Variants in DPYD observed in about 807,000 individuals in gnomAD.
DPYD encodes dihydropyrimidine dehydrogenase, also known as dihydropyrimidine dehydrogenase [NADP(+)].
DPYD carries 109 observed loss-of-function variants against 116.2 expected under a neutral mutation model. That is an observed-to-expected ratio of 0.94 (90% CI 0.80 to 1.10). The LOEUF (loss-of-function observed/expected upper bound fraction) is 1.10, where lower values mean the gene tolerates loss of function less well. Among genes scored for constraint, DPYD ranks in the 50% least tolerant of loss-of-function variants. The pLI, the probability that DPYD is intolerant of heterozygous loss-of-function variation, is 0.00. For synonymous variants in DPYD, 440 were observed against 432.0 expected, an observed-to-expected ratio of 1.02 and a Z score of -0.23; for missense variants, 1,302 against 1,254.5, an observed-to-expected ratio of 1.04 and a Z score of -0.57.
At chr1:97,811,917 T>G (rs1002405927) in intron 3 of DPYD, among the ~76,000 whole-genome samples, 11 of 152,176 alleles carry the variant, frequency 7.2e-5, no homozygotes, top group African/African-American at 2.7e-4. Context: ...CATACACATT[T>G]GAAGGTATCA....
At chr1:97,260,088 T>C (rs1405484427) in intron 18 of DPYD, among the ~76,000 whole-genome samples, 1 of 152,130 alleles carries the variant, frequency 6.6e-6, no homozygotes, top group East Asian at 1.9e-4. Context: ...CGCTGTAGGT[T>C]ATAAGATTGC....
chr1:97,920,716 G>A (rs1198393374), intron 1 of DPYD, among the ~76,000 whole-genome samples, 168 bp downstream of exon 1: 4 of 152,176 alleles, frequency 2.6e-5, no homozygotes, highest in Admixed American at 6.5e-5. Context: ...GCCCACGCGG[G>A]CCTGTGGCTC....
intron 15 of DPYD, among the ~76,000 whole-genome samples, chr1:97,380,655 G>T (rs1018744319): frequency 6.6e-6 from 1 of 152,180 alleles, no homozygotes; most frequent in African/African-American, 2.4e-5. Flanking sequence ...AGCTAAACTT[G>T]AAACAGTTGG....
chr1:97,406,276 CTT>C (rs201319330), intron 14 of DPYD, among the ~76,000 whole-genome samples: 10,089 of 61,042 alleles, frequency 0.17, 472 homozygotes, highest in East Asian at 0.36. Context: ...GTCTCTTTAG[CTT>C]TTTTTTTTTT....
chr1:97,559,014 T>A (rs1651941154), intron 11 of DPYD, among the ~76,000 whole-genome samples: 1 of 152,176 alleles, frequency 6.6e-6, no homozygotes, highest in African/African-American at 2.4e-5. Context: ...ACCATCTCTT[T>A]AAGACTGCAA....
chr1:97,184,457 T>C (rs1409855108), intron 20 of DPYD, among the ~76,000 whole-genome samples: 5 of 152,136 alleles, frequency 3.3e-5, no homozygotes, highest in African/African-American at 1.2e-4. Context: ...TTAATAACCA[T>C]TCTGATTGGT....
intron 20 of DPYD, among the ~76,000 whole-genome samples, chr1:97,133,801 C>T (rs982766005): frequency 6.6e-6 from 1 of 151,026 alleles, no homozygotes; most frequent in Non-Finnish European, 1.5e-5. Context: ...AGTTCGAGAC[C>T]AGCCTGGCCA....
intron 3 of DPYD, among the ~76,000 whole-genome samples, chr1:97,807,157 A>G (rs998879025): frequency 4.6e-5 from 7 of 152,092 alleles, no homozygotes; most frequent in African/African-American, 1.7e-4. Context: ...ATAAGTTTTC[A>G]ATTACTTTGG....
intron 14 of DPYD, among the ~76,000 whole-genome samples, chr1:97,388,479 A>G (rs1570646121): frequency 6.6e-6 from 1 of 152,242 alleles, no homozygotes; most frequent in African/African-American, 2.4e-5. Context: ...TGGGGGCACA[A>G]GAGAGTGTGA....
intron 22 of DPYD, among the ~76,000 whole-genome samples, chr1:97,080,036 A>C (rs2101551404): frequency 6.6e-6 from 1 of 152,226 alleles, no homozygotes; most frequent in Admixed American, 6.6e-5. Context: ...GAAAAATGAC[A>C]TGTAAGACCT....
intron 5 of DPYD, among the ~76,000 whole-genome samples, chr1:97,702,503 AT>A (rs1383242776): frequency 6.6e-6 from 1 of 151,934 alleles, no homozygotes; most frequent in Non-Finnish European, 1.5e-5. Context: ...TACAAATAAC[AT>A]TGTGTTTTAA....
chr1:97,563,667 C>T (rs1652324097), intron 11 of DPYD, among the ~76,000 whole-genome samples: 1 of 152,146 alleles, frequency 6.6e-6, no homozygotes, highest in Admixed American at 6.5e-5. Context: ...GGAAACAAAC[C>T]TATTCCTATG....
At chr1:97,526,964 GA>G (rs1353027699) in intron 12 of DPYD, among the ~76,000 whole-genome samples, 1 of 152,132 alleles carries the variant, frequency 6.6e-6, no homozygotes, top group Non-Finnish European at 1.5e-5. Context: ...TGAAGATGAG[GA>G]AAGTGAGGCC....
intron 8 of DPYD, among the ~76,000 whole-genome samples, chr1:97,629,494 A>C (rs1443003503): frequency 6.6e-6 from 1 of 152,032 alleles, no homozygotes; most frequent in Admixed American, 6.6e-5. Flanking sequence ...CAGAGGCACT[A>C]GTTCTTTTAA....
intron 13 of DPYD, among the ~76,000 whole-genome samples, chr1:97,490,112 G>A (rs76956705): frequency 0.016 from 2,492 of 151,814 alleles, 69 homozygotes; most frequent in African/African-American, 0.058. Flanking sequence ...AAACTTACAC[G>A]AAATGGTATA....
chr1:97,656,689 C>T (rs1237067451), intron 8 of DPYD, among the ~76,000 whole-genome samples: 1 of 152,012 alleles, frequency 6.6e-6, no homozygotes, highest in African/African-American at 2.4e-5. Context: ...CAATCCAGGA[C>T]AGGATATAGA....
chr1:97,223,087 C>T (rs1660881236), intron 19 of DPYD, among the ~76,000 whole-genome samples: 1 of 152,034 alleles, frequency 6.6e-6, no homozygotes, highest in Non-Finnish European at 1.5e-5. Flanking sequence ...ATGGGTAATG[C>T]ATCCATCTGC....
At chr1:97,641,661 C>G (rs565643614) in intron 8 of DPYD, among the ~76,000 whole-genome samples, 84 of 152,260 alleles carry the variant, frequency 5.5e-4, no homozygotes, top group Non-Finnish European at 7.6e-4. Context: ...TGGGCAAAAG[C>G]TGGAACCATT....
chr1:97,221,367 C>A (rs900662740), intron 19 of DPYD, among the ~76,000 whole-genome samples: 1 of 125,590 alleles, frequency 8.0e-6, no homozygotes, highest in African/African-American at 2.7e-5. Context: ...ACTGGAAAGT[C>A]AACTGATAAA....
Sources: gnomAD v4.1 joint callset for allele counts (sites outside exome capture counted in the v4.1 genomes callset) on GRCh38, gnomAD v4.1.1 for gene constraint, MANE v1.5 for transcripts, NCBI Gene and HGNC (gene_info 2026-07-23, HGNC 2026-07-21) for gene names.